Variants in SNAP91 observed in about 807,000 individuals in gnomAD.
SNAP91 encodes clathrin coat assembly protein AP180.
SNAP91 carries 27 observed loss-of-function variants against 100.3 expected under a neutral mutation model. That is an observed-to-expected ratio of 0.27 (90% CI 0.20 to 0.37). The LOEUF is 0.37. Among genes scored for constraint, SNAP91 ranks in the 10% least tolerant of loss-of-function variants. The pLI, the probability that SNAP91 is intolerant of heterozygous loss-of-function variation, is 1.00. For synonymous variants in SNAP91, 404 were observed against 398.6 expected, an observed-to-expected ratio of 1.01 and a Z score of -0.16; for missense variants, 986 against 1,123.7, an observed-to-expected ratio of 0.88 and a Z score of 1.75.
intron 2 of SNAP91, among the ~76,000 whole-genome samples, chr6:83,692,107 T>C (rs1207337179): frequency 6.6e-6 from 1 of 152,176 alleles, no homozygotes; most frequent in Non-Finnish European, 1.5e-5. Flanking sequence ...TTTGTACATA[T>C]CTATTCTGCT....
rs138155386 is a variant in SNAP91, at chr6:83,630,877, C to T, written c.766-7535G>A. On this transcript the variant is annotated intron_variant, in intron 8 of 29. Coordinates refer to ENST00000369694, the MANE Select transcript of SNAP91 (RefSeq NM_001242792.2). ...GATCTTGGTTATTTCCTTTCTTCTG[C>T]GGGGTTTGGGTTTGGTTCATTCTTG... Among the ~76,000 whole-genome samples, 726 of 151,634 alleles carry T rather than the reference C, an allele frequency of 4.8e-3. 6 individuals are homozygous for T. Among genetic ancestry groups the T allele is most frequent in the African/African-American group, 0.017 (699 of 41,378 alleles).
At chr6:83,627,764 T>G (rs546235589) in intron 8 of SNAP91, among the ~76,000 whole-genome samples, 1 of 152,064 alleles carries the variant, frequency 6.6e-6, no homozygotes, top group Non-Finnish European at 1.5e-5. Flanking sequence ...TAGCTAGTGG[T>G]CGATCAATCT....
rs143150846 is a variant in SNAP91, at chr6:83,604,712, T to C, written c.1141+973A>G. Among the ~76,000 whole-genome samples, 13 of 152,302 alleles carry C rather than the reference T, an allele frequency of 8.5e-5. No individual in the cohort carries two copies. In the East Asian group the frequency reaches 2.1e-3, roughly 25 times the overall value. On this transcript the variant is annotated intron_variant, in intron 14 of 29. Transcript: ENST00000369694. ...CTGCTAGTGATGCAAATAATCTCTGTATGGGAGAAAAGATAACCTCAAGGC... is the reference window on the plus strand; with the variant it reads ...CTGCTAGTGATGCAAATAATCTCTGCATGGGAGAAAAGATAACCTCAAGGC...
At chr6:83,571,563 G>A (rs576174496) in intron 26 of SNAP91, among the ~76,000 whole-genome samples, 8 of 152,294 alleles carry the variant, frequency 5.3e-5, no homozygotes, top group African/African-American at 1.7e-4. Flanking sequence ...TGGAATGGCG[G>A]TATTTACCCA....
At chr6:83,575,275 G>A (rs1816442598) in intron 25 of SNAP91, 154 bp from the exon 26 acceptor site, 1 of 615,150 alleles carries the variant, frequency 1.6e-6, no homozygotes, top group Non-Finnish European at 2.8e-6. Context: ...ACTTACAGAG[G>A]AATCTTGCCA....
Position 83,575,019 on chromosome 6 carries a change from A to G in SNAP91, c.2433T>C (p.Ser811=), listed in dbSNP as rs1419785162. 6.3e-7 allele frequency: 1 copy of G among 1,591,072 alleles called. No individual in the cohort carries two copies. The highest frequency in any genetic ancestry group is 1.8e-5 in the Admixed American group (1 of 56,932). The change falls in exon 26 of 30, where the codon AGT becomes AGC. Residue 811 remains serine, a synonymous_variant. Transcript: ENST00000369694. The part of the protein sequence containing the change: ...PATWSAGVPP[S]APLQGAVPPT... ...TCTGATTGCTACATACCAAAGGTGCACTTGGTGGAACGCCTGCTGACCAGG... is the reference window on the plus strand; with the variant it reads ...TCTGATTGCTACATACCAAAGGTGCGCTTGGTGGAACGCCTGCTGACCAGG...
intron 26 of SNAP91, among the ~76,000 whole-genome samples, chr6:83,573,883 T>C (rs1045291952): frequency 7.2e-5 from 11 of 152,166 alleles, no homozygotes; most frequent in African/African-American, 1.9e-4. Context: ...ATTCAGGACA[T>C]AGGCATGGGC....
chr6:83,705,635 T>C (rs1245948603), intron 2 of SNAP91, among the ~76,000 whole-genome samples: 1 of 151,678 alleles, frequency 6.6e-6, no homozygotes, highest in African/African-American at 2.4e-5. Flanking sequence ...AGAAACCCCA[T>C]CTCTACTAAA....
chr6:83,644,542 G>T (rs1251494012), intron 7 of SNAP91, among the ~76,000 whole-genome samples: 1 of 152,110 alleles, frequency 6.6e-6, no homozygotes, highest in Non-Finnish European at 1.5e-5. Context: ...CAAATTTCAT[G>T]TTTGTGACAT....
rs2098996470 is a variant in SNAP91, at chr6:83,682,071, G to A, written c.131-16490C>T. Among the ~76,000 whole-genome samples the A allele has an allele frequency of 2.0e-5, 3 of 151,170 alleles. No homozygotes were observed. The South Asian group carries it at 6.3e-4, about 32-fold the overall frequency. Reference sequence around the variant, plus strand: ...ACTGTTTTCTCTCTCCAATCCTGGAGAAAAAAAGAGTCCTTCCTCCTTCCT... The same window carrying A: ...ACTGTTTTCTCTCTCCAATCCTGGAAAAAAAAAGAGTCCTTCCTCCTTCCT... On this transcript the variant is annotated intron_variant, in intron 2 of 29. Transcript: ENST00000369694.
chr6:83,616,000 C>G (rs1341031933), intron 10 of SNAP91, among the ~76,000 whole-genome samples: 1 of 152,184 alleles, frequency 6.6e-6, no homozygotes, highest in Non-Finnish European at 1.5e-5. Flanking sequence ...TCAACAGAGA[C>G]AGATTCCAAG....
chr6:83,602,980 C>A (rs999601474), intron 14 of SNAP91, among the ~76,000 whole-genome samples: 1 of 152,000 alleles, frequency 6.6e-6, no homozygotes, highest in African/African-American at 2.4e-5. Context: ...CATGTGTATC[C>A]CAGAACTTAA....
chr6:83,558,993 A>G (rs1020132409), intron 28 of SNAP91, among the ~76,000 whole-genome samples: 2 of 152,232 alleles, frequency 1.3e-5, no homozygotes, highest in African/African-American at 4.8e-5. Flanking sequence ...AAGGGTAAGT[A>G]GCACAGTGTG....
chr6:83,705,725 C>T (rs1356810618), intron 2 of SNAP91, among the ~76,000 whole-genome samples: 2 of 151,892 alleles, frequency 1.3e-5, no homozygotes, highest in Non-Finnish European at 2.9e-5. Flanking sequence ...GCAGGAGAAT[C>T]ACTCGAACCT....
intron 2 of SNAP91, among the ~76,000 whole-genome samples, chr6:83,691,153 C>T (rs533742707): frequency 6.6e-6 from 1 of 152,128 alleles, no homozygotes; most frequent in South Asian, 2.1e-4. Context: ...TTGACAAGCT[C>T]TATGAATTAT....
At chr6:83,589,431 T>C (rs1053607608) in intron 22 of SNAP91, among the ~76,000 whole-genome samples, 6 of 152,346 alleles carry the variant, frequency 3.9e-5, no homozygotes, top group East Asian at 3.9e-4. Context: ...AATATTTTTC[T>C]ATAACAAAAC....
chr6:83,661,421 AT>A (rs1257716438), intron 5 of SNAP91, 80 bp downstream of exon 5: 3 of 783,458 alleles, frequency 3.8e-6, no homozygotes, highest in Non-Finnish European at 6.0e-6. Flanking sequence ...ATTAGCTGGC[AT>A]TTAAGCTTAG....
chr6:83,652,696 CCTTT>C (rs1354490888), intron 7 of SNAP91, among the ~76,000 whole-genome samples: 3 of 152,064 alleles, frequency 2.0e-5, no homozygotes, highest in Non-Finnish European at 2.9e-5. Flanking sequence ...TGATATTCTT[CCTTT>C]CTTTATGTAA....
At chr6:83,687,613 G>A (rs948885610) in intron 2 of SNAP91, among the ~76,000 whole-genome samples, 1 of 152,172 alleles carries the variant, frequency 6.6e-6, no homozygotes, top group Non-Finnish European at 1.5e-5. Context: ...TGAAATGGGG[G>A]TTACTAGCAT....
Sources: gnomAD v4.1 joint callset for allele counts (sites outside exome capture counted in the v4.1 genomes callset) on GRCh38, gnomAD v4.1.1 for gene constraint, MANE v1.5 for transcripts, NCBI Gene and HGNC (gene_info 2026-07-23, HGNC 2026-07-21) for gene names.